The following GRM5 variants were observed in gnomAD, a reference collection of about 807,000 sequenced individuals.
GRM5 encodes the protein metabotropic glutamate receptor 5.
A neutral mutation model predicts 83.1 loss-of-function variants in GRM5; 19 were observed. That is an observed-to-expected ratio of 0.23 (90% confidence interval 0.16 to 0.34). The LOEUF is 0.34. Among genes scored for constraint, GRM5 ranks in the 10% least tolerant of loss-of-function variants. The pLI is 1.00. For missense variants in GRM5, 1,160 were observed against 1,588.3 expected (o/e 0.73, Z 4.58); for synonymous variants, 675 against 633.6 (o/e 1.07, Z -0.98).
rs571956919 is a variant in GRM5, at chr11:88,709,718, C to T, written c.912-56315G>A. Among the ~76,000 whole-genome samples, 7 of 152,200 alleles carry T rather than the reference C, an allele frequency of 4.6e-5. No homozygotes were observed. The South Asian group carries it at 1.2e-3, about 27-fold the overall frequency. ...AGAGGCTGTATTTCCATCACCATTT[C>T]CGGGCAAGCTTGTGCTTCTGGCATC... On this transcript the variant is annotated intron_variant, in intron 3 of 9. Coordinates refer to ENST00000305447, the MANE Select transcript of GRM5 (RefSeq NM_001143831.3).
Position 88,781,620 on chromosome 11 carries a change from C to A in GRM5, c.911+68286G>T, listed in dbSNP as rs180700474. On this transcript the variant is annotated intron_variant, in intron 3 of 9. Transcript: ENST00000305447. ...CTCACAAATGGTTCCCTGGTTGCAT[C>A]CAGCAGGTCCATTTGTAAGGCAAGT... is the stretch of plus-strand genomic sequence containing the variant. 7.2e-5 allele frequency among the ~76,000 whole-genome samples: 11 copies of A among 152,290 alleles called. No homozygotes were observed. In the East Asian group the frequency reaches 2.1e-3, roughly 29 times the overall value.
chr11:88,833,364 C>T (rs1944032768), intron 3 of GRM5, among the ~76,000 whole-genome samples: 1 of 151,890 alleles, frequency 6.6e-6, no homozygotes, highest in Non-Finnish European at 1.5e-5. Context: ...TATAAATGGC[C>T]GACAGGTACA....
intron 8 of GRM5, among the ~76,000 whole-genome samples, chr11:88,563,126 A>C (rs1488973834): frequency 6.6e-6 from 1 of 152,204 alleles, no homozygotes; most frequent in Non-Finnish European, 1.5e-5. Flanking sequence ...TTGAGGTAGC[A>C]TTTATTGAAT....
chr11:89,037,802 G>A (rs1253556126), intron 2 of GRM5, among the ~76,000 whole-genome samples: 7 of 151,924 alleles, frequency 4.6e-5, no homozygotes, highest in African/African-American at 1.5e-4. Flanking sequence ...CATGTGTATC[G>A]GTTACATTTC....
chr11:88,760,507 G>A (rs765343987), intron 3 of GRM5, among the ~76,000 whole-genome samples: 20 of 151,848 alleles, frequency 1.3e-4, no homozygotes, highest in Non-Finnish European at 2.1e-4. Context: ...AGACTGAACC[G>A]GGAATAAATT....
chr11:88,820,796 T>C (rs867655246), intron 3 of GRM5, among the ~76,000 whole-genome samples: 4 of 152,224 alleles, frequency 2.6e-5, no homozygotes, highest in Non-Finnish European at 5.9e-5. Flanking sequence ...TCTAAGTGTG[T>C]CCTTTGGAGG....
intron 2 of GRM5, among the ~76,000 whole-genome samples, chr11:89,032,172 A>T (rs1941277813): frequency 6.6e-6 from 1 of 152,074 alleles, no homozygotes; most frequent in South Asian, 2.1e-4. Flanking sequence ...ATTTCATGTA[A>T]TTGTTTTCTA....
chr11:89,038,103 A>T (rs1299363814), intron 2 of GRM5, among the ~76,000 whole-genome samples: 1 of 151,774 alleles, frequency 6.6e-6, no homozygotes, highest in Non-Finnish European at 1.5e-5. Flanking sequence ...CCACTATTTG[A>T]AAAAAAAGAA....
chr11:88,636,615 G>A (rs866665788), intron 4 of GRM5, among the ~76,000 whole-genome samples: 92 of 152,210 alleles, frequency 6.0e-4, no homozygotes, highest in Admixed American at 1.8e-3. Flanking sequence ...AATATTATAT[G>A]TTAATACAAT....
chr11:88,970,349 C>A (rs1313404671), intron 2 of GRM5, among the ~76,000 whole-genome samples: 9 of 152,132 alleles, frequency 5.9e-5, no homozygotes, highest in Non-Finnish European at 1.2e-4. Flanking sequence ...TAGATTTTCA[C>A]TGAAATCTGC....
chr11:88,835,097 G>A (rs1944069479), intron 3 of GRM5, among the ~76,000 whole-genome samples: 1 of 152,030 alleles, frequency 6.6e-6, no homozygotes, highest in Admixed American at 6.6e-5. Flanking sequence ...TAGTGTAAGA[G>A]GGAAAAGAAG....
At chr11:89,037,675 T>C (rs1941424847) in intron 2 of GRM5, among the ~76,000 whole-genome samples, 1 of 152,064 alleles carries the variant, frequency 6.6e-6, no homozygotes, top group South Asian at 2.1e-4. Flanking sequence ...AGTTGTTCAA[T>C]GCTTCTATCA....
intron 2 of GRM5, among the ~76,000 whole-genome samples, chr11:88,926,121 C>CT (rs1945784395): frequency 6.6e-6 from 1 of 152,102 alleles, no homozygotes; most frequent in Non-Finnish European, 1.5e-5. Flanking sequence ...CCTCCTGCAC[C>CT]TTTTCCCATT....
intron 3 of GRM5, among the ~76,000 whole-genome samples, chr11:88,738,279 T>A (rs753492765): frequency 5.3e-5 from 8 of 152,026 alleles, no homozygotes; most frequent in Non-Finnish European, 1.0e-4. Flanking sequence ...AAATAAATAT[T>A]TAATAAATGT....
At chr11:88,963,380 C>A (rs1326906802) in intron 2 of GRM5, among the ~76,000 whole-genome samples, 1 of 152,152 alleles carries the variant, frequency 6.6e-6, no homozygotes, top group Non-Finnish European at 1.5e-5. Context: ...CCTCACTAAC[C>A]ATACAGTTAG....
intron 2 of GRM5, among the ~76,000 whole-genome samples, chr11:89,046,606 CAT>C (rs1228478336): frequency 6.6e-6 from 1 of 152,144 alleles, no homozygotes; most frequent in South Asian, 2.1e-4. Context: ...TTAAAACAAA[CAT>C]GTTGAATTAT....
At chr11:88,590,837 T>C in intron 6 of GRM5, 110 bp from the exon 7 acceptor site, 1 of 638,144 alleles carries the variant, frequency 1.6e-6, no homozygotes, top group Non-Finnish European at 2.7e-6. Context: ...ACATACATTA[T>C]TTTAAATGTT....
intron 3 of GRM5, among the ~76,000 whole-genome samples, chr11:88,655,233 G>A (rs564847731): frequency 2.0e-5 from 3 of 152,090 alleles, no homozygotes; most frequent in Admixed American, 6.6e-5. Flanking sequence ...AGCTCCAGAA[G>A]ATTTTATTTA....
chr11:88,645,474 A>G (rs1939419043), intron 4 of GRM5, among the ~76,000 whole-genome samples: 1 of 152,146 alleles, frequency 6.6e-6, no homozygotes, highest in African/African-American at 2.4e-5. Context: ...AAAGATCACA[A>G]TTCATGAAAT....
Sources: gnomAD v4.1 joint callset for allele counts (sites outside exome capture counted in the v4.1 genomes callset) on GRCh38, gnomAD v4.1.1 for gene constraint, MANE v1.5 for transcripts, NCBI Gene and HGNC (gene_info 2026-07-23, HGNC 2026-07-21) for gene names.